The following OPCML variants were observed in gnomAD, a reference collection of about 807,000 sequenced individuals.
OPCML encodes opioid binding protein/cell adhesion molecule like, also known as opioid-binding protein/cell adhesion molecule.
A neutral mutation model predicts 37.8 loss-of-function variants in OPCML; 13 were observed. The ratio of observed to expected loss-of-function variants is 0.34; its 90% confidence interval spans 0.22 to 0.55. The LOEUF is 0.55. OPCML is among the 20% of genes least tolerant of loss of function. The probability of loss-of-function intolerance (pLI) is 0.91; values close to 1 mark genes in which losing one functional copy is unlikely to be tolerated. For synonymous variants in OPCML, 176 were observed against 168.8 expected (o/e 1.04, Z -0.33); for missense variants, 341 against 435.6 (o/e 0.78, Z 1.93).
At chr11:132,503,887 G>A (rs945705690) in intron 4 of OPCML, among the ~76,000 whole-genome samples, 3 of 152,002 alleles carry the variant, frequency 2.0e-5, no homozygotes, top group Non-Finnish European at 4.4e-5. Context: ...ATTTTATCTC[G>A]TTTGCAAAAT....
chr11:133,031,663 C>T (rs1947676094), intron 1 of OPCML, among the ~76,000 whole-genome samples: 1 of 151,974 alleles, frequency 6.6e-6, no homozygotes, highest in Admixed American at 6.6e-5. Flanking sequence ...AGGGTGTGAG[C>T]ATGGTAATAA....
intron 1 of OPCML, among the ~76,000 whole-genome samples, chr11:133,347,443 T>C (rs1014625510): frequency 1.3e-5 from 2 of 152,198 alleles, no homozygotes; most frequent in African/African-American, 4.8e-5. Context: ...AAAATTATGT[T>C]CATTGGAAAC....
Position 133,260,257 on chromosome 11 carries a change from T to A in OPCML, c.61+272007A>T, listed in dbSNP as rs138290572. Among the ~76,000 whole-genome samples, 203 of 151,470 alleles carry A rather than the reference T, an allele frequency of 1.3e-3. 1 individual carries two copies. The highest frequency in any genetic ancestry group is 4.8e-3 in the African/African-American group (197 of 41,256). On this transcript the variant is annotated intron_variant, in intron 1 of 7. Transcript: ENST00000524381. ...GGAGGTGAGAAGCCGGGGGAGGGGA[T>A]CCAGTAGGGCTCTGGAGGCCATGCT...
chr11:133,236,001 G>T (rs142046668), intron 1 of OPCML, among the ~76,000 whole-genome samples: 2 of 152,232 alleles, frequency 1.3e-5, no homozygotes, highest in African/African-American at 4.8e-5. Context: ...GTAGTAAAAC[G>T]TTATATATAC....
intron 3 of OPCML, among the ~76,000 whole-genome samples, chr11:132,630,008 C>T (rs1228075729): frequency 1.3e-5 from 2 of 152,022 alleles, no homozygotes; most frequent in Non-Finnish European, 2.9e-5. Context: ...ACTATACTGG[C>T]GTTTAAAAAA....
chr11:132,592,230 T>C (rs1230469264), intron 3 of OPCML, among the ~76,000 whole-genome samples: 2 of 152,160 alleles, frequency 1.3e-5, no homozygotes, highest in Non-Finnish European at 2.9e-5. Flanking sequence ...AAAGTGTGCA[T>C]GTTTTGCGGG....
intron 1 of OPCML, among the ~76,000 whole-genome samples, chr11:133,458,564 CAT>C (rs1363597106): frequency 9.3e-6 from 1 of 107,856 alleles, no homozygotes; most frequent in African/African-American, 9.3e-5. Flanking sequence ...TGTGTATACA[CAT>C]ATATACACGT....
At chr11:132,978,789 G>C (rs899956992) in intron 1 of OPCML, among the ~76,000 whole-genome samples, 1 of 151,912 alleles carries the variant, frequency 6.6e-6, no homozygotes, top group African/African-American at 2.4e-5. Context: ...ATAATGTGTA[G>C]ATTATACATG....
At chr11:133,220,175 T>G (rs961040567) in intron 1 of OPCML, among the ~76,000 whole-genome samples, 2 of 152,178 alleles carry the variant, frequency 1.3e-5, no homozygotes, top group African/African-American at 2.4e-5. Flanking sequence ...CCCTGGATTC[T>G]ACATTGGGAG....
At chr11:133,195,659 G>T (rs1380641215) in intron 1 of OPCML, among the ~76,000 whole-genome samples, 2 of 152,096 alleles carry the variant, frequency 1.3e-5, no homozygotes, top group Non-Finnish European at 2.9e-5. Context: ...TCATGGAAGT[G>T]GTCTTTGTCT....
chr11:132,973,181 A>C (rs1429026240), intron 1 of OPCML, among the ~76,000 whole-genome samples: 1 of 152,142 alleles, frequency 6.6e-6, no homozygotes, highest in Non-Finnish European at 1.5e-5. Flanking sequence ...CCTGGCCTAG[A>C]TTTTAAGACA....
intron 4 of OPCML, among the ~76,000 whole-genome samples, chr11:132,469,902 GTGTC>G (rs1464565045): frequency 7.1e-6 from 1 of 140,416 alleles, no homozygotes; most frequent in Non-Finnish European, 1.5e-5. Flanking sequence ...GTGTAGGTAT[GTGTC>G]TGTATATGTG....
chr11:133,487,427 T>C (rs146438508), intron 1 of OPCML, among the ~76,000 whole-genome samples: 1,768 of 152,292 alleles, frequency 0.012, 18 homozygotes, highest in Non-Finnish European at 0.015. Context: ...TGACTCCTTG[T>C]GATCAGGTCT....
chr11:133,153,067 G>A (rs1054910961), intron 1 of OPCML, among the ~76,000 whole-genome samples: 3 of 152,148 alleles, frequency 2.0e-5, no homozygotes, highest in Non-Finnish European at 4.4e-5. Context: ...GGGGCACCGC[G>A]AGGGTCTTGT....
chr11:132,553,333 T>C (rs2096386760), intron 3 of OPCML, among the ~76,000 whole-genome samples: 1 of 152,202 alleles, frequency 6.6e-6, no homozygotes, highest in Admixed American at 6.5e-5. Context: ...GTTGCTGATT[T>C]AATAGGCATG....
At chr11:133,432,415 C>T (rs7107945) in intron 1 of OPCML, among the ~76,000 whole-genome samples, 43,355 of 151,962 alleles carry the variant, frequency 0.29, 8,963 homozygotes, top group African/African-American at 0.58. Context: ...TCGGATCTTA[C>T]TGCAGGCTGG....
intron 1 of OPCML, among the ~76,000 whole-genome samples, chr11:133,009,734 G>T (rs1390275734): frequency 3.9e-5 from 6 of 152,168 alleles, no homozygotes; most frequent in Non-Finnish European, 8.8e-5. Context: ...TCACAGCAGG[G>T]TTTGTGCTCC....
chr11:133,276,056 C>T (rs1299420813), intron 1 of OPCML, among the ~76,000 whole-genome samples: 1 of 152,062 alleles, frequency 6.6e-6, no homozygotes, highest in Non-Finnish European at 1.5e-5. Context: ...AAATTAATCC[C>T]TAGATTCAGT....
intron 1 of OPCML, among the ~76,000 whole-genome samples, chr11:132,950,609 C>T (rs771890007): frequency 2.6e-5 from 4 of 152,162 alleles, no homozygotes; most frequent in African/African-American, 7.2e-5. Context: ...GCTACTGTCT[C>T]ATTGAAAGCT....
Sources: gnomAD v4.1 joint callset for allele counts (sites outside exome capture counted in the v4.1 genomes callset) on GRCh38, gnomAD v4.1.1 for gene constraint, MANE v1.5 for transcripts, NCBI Gene and HGNC (gene_info 2026-07-23, HGNC 2026-07-21) for gene names.